DCC: variants seen among roughly 807,000 people sequenced by gnomAD.
DCC encodes the protein DCC netrin 1 receptor.
DCC carries 58 observed loss-of-function variants against 172.5 expected under a neutral mutation model. The ratio of observed to expected loss-of-function variants is 0.34; its 90% CI spans 0.27 to 0.42. The LOEUF (loss-of-function observed/expected upper bound fraction) is 0.42, where lower values mean the gene tolerates loss of function less well. Among genes scored for constraint, DCC ranks in the 10% least tolerant of loss-of-function variants. The pLI is 1.00. For synonymous variants in DCC, 709 were observed against 644.5 expected, an observed-to-expected ratio of 1.10 and a Z score of -1.52; for missense variants, 1,740 against 1,791.0, an observed-to-expected ratio of 0.97 and a Z score of 0.51.
At chr18:52,404,127 T>C (rs1042861002) in intron 1 of DCC, among the ~76,000 whole-genome samples, 2 of 152,006 alleles carry the variant, frequency 1.3e-5, no homozygotes, top group African/African-American at 4.8e-5. Context: ...GGTACAATGA[T>C]ACATGGACTT....
Position 53,463,974 on chromosome 18 carries a change from G to A in DCC, c.3620-3920G>A, listed in dbSNP as rs558023862. Among the ~76,000 whole-genome samples the A allele has an allele frequency of 6.6e-5, 10 of 152,236 alleles. No homozygotes were observed. The South Asian group carries it at 2.1e-3, about 32-fold the overall frequency. On this transcript the variant is annotated intron_variant, in intron 24 of 28. Transcript: ENST00000442544. ...TTTTACTCATTCTTCCCTACTGCTG[G>A]TATGCAAACTGCTTAAACAAAACCT...
At chr18:53,200,388 G>A (rs1365368360) in intron 9 of DCC, among the ~76,000 whole-genome samples, 1 of 152,116 alleles carries the variant, frequency 6.6e-6, no homozygotes, top group Non-Finnish European at 1.5e-5. Flanking sequence ...AAGTGCCTTA[G>A]GCCTGTGATT....
At chr18:53,046,243 C>T (rs1313322844) in intron 5 of DCC, among the ~76,000 whole-genome samples, 6 of 151,856 alleles carry the variant, frequency 4.0e-5, no homozygotes, top group Non-Finnish European at 7.4e-5. Flanking sequence ...AGGTGTTGAA[C>T]TAATTACCCT....
chr18:53,165,031 A>T (rs892956414), intron 8 of DCC, among the ~76,000 whole-genome samples: 12 of 152,198 alleles, frequency 7.9e-5, no homozygotes, highest in Admixed American at 4.6e-4. Context: ...ACATTTTCTG[A>T]AAAAGCTCCA....
rs114601816 is a variant in DCC at position 53,364,039 on chromosome 18, G to A, written c.2360-22004G>A. Among the ~76,000 whole-genome samples, 683 of 152,250 alleles carry A rather than the reference G, an allele frequency of 4.5e-3. 4 individuals are homozygous for A. The highest frequency in any genetic ancestry group is 0.015 in the African/African-American group (639 of 41,550). On this transcript the variant is annotated intron_variant, in intron 15 of 28. Coordinates refer to ENST00000442544, the MANE Select transcript of DCC (RefSeq NM_005215.4). ...AGTTATTGGAGCATTAATGTGTTTG[G>A]AGTTTAATGCCATAAATCAGCAATT...
chr18:53,329,448 T>C (rs560047631), intron 14 of DCC, among the ~76,000 whole-genome samples: 1 of 152,108 alleles, frequency 6.6e-6, no homozygotes, highest in East Asian at 1.9e-4. Flanking sequence ...TTCAAAAACA[T>C]AGCTTTTCTT....
chr18:52,818,701 C>T (rs1354662708), intron 2 of DCC, among the ~76,000 whole-genome samples: 2 of 152,182 alleles, frequency 1.3e-5, no homozygotes, highest in Non-Finnish European at 2.9e-5. Context: ...ATTGGACTAT[C>T]TGTACATTCC....
At chr18:53,090,785 G>C (rs1028905059) in intron 7 of DCC, among the ~76,000 whole-genome samples, 5 of 139,156 alleles carry the variant, frequency 3.6e-5, no homozygotes, top group Admixed American at 7.7e-5. Flanking sequence ...GTTCAATTGA[G>C]TTACAAAGCT....
intron 21 of DCC, among the ~76,000 whole-genome samples, chr18:53,429,125 A>AATATATATATTT (rs1911429554): frequency 1.0e-5 from 1 of 96,784 alleles, no homozygotes; most frequent in Non-Finnish European, 2.1e-5. Flanking sequence ...TTTTATATAT[A>AATATATATATTT]TATAAATATA....
At chr18:53,171,826 C>A (rs1305445925) in intron 8 of DCC, among the ~76,000 whole-genome samples, 1 of 151,080 alleles carries the variant, frequency 6.6e-6, no homozygotes, top group Non-Finnish European at 1.5e-5. Context: ...AAATGAAATA[C>A]CATTCCACAT....
intron 5 of DCC, among the ~76,000 whole-genome samples, chr18:53,018,373 T>G (rs757636633): frequency 2.0e-5 from 3 of 152,220 alleles, no homozygotes; most frequent in Non-Finnish European, 4.4e-5. Flanking sequence ...GCTCCCAAAC[T>G]GGCTTTAAGG....
intron 1 of DCC, among the ~76,000 whole-genome samples, chr18:52,623,466 T>C (rs1411015954): frequency 6.6e-6 from 1 of 152,182 alleles, no homozygotes; most frequent in Non-Finnish European, 1.5e-5. Context: ...CCTTTTTTGT[T>C]TCTAAAGTGT....
At chr18:52,614,698 A>T (rs1265125307) in intron 1 of DCC, among the ~76,000 whole-genome samples, 1 of 152,210 alleles carries the variant, frequency 6.6e-6, no homozygotes, top group African/African-American at 2.4e-5. Flanking sequence ...TCAATAATAA[A>T]AACAAGACCA....
Position 53,099,800 on chromosome 18 carries a change from T to C in DCC, c.1261+33634T>C, listed in dbSNP as rs375390903. Among the ~76,000 whole-genome samples the C allele has an allele frequency of 1.1e-3, 169 of 152,178 alleles. 1 individual carries two copies. In the South Asian group the frequency reaches 0.015, roughly 13 times the overall value. ...TTACTATTACATGTTATTTATATTGTAATGAGAGTTGTTCTAAATAAGAGT... is the reference window on the plus strand; with the variant it reads ...TTACTATTACATGTTATTTATATTGCAATGAGAGTTGTTCTAAATAAGAGT... On this transcript the variant is annotated intron_variant, in intron 7 of 28. Coordinates refer to ENST00000442544, the MANE Select transcript of DCC (RefSeq NM_005215.4).
chr18:52,812,834 G>C (rs549909820), intron 2 of DCC, among the ~76,000 whole-genome samples: 1 of 152,310 alleles, frequency 6.6e-6, no homozygotes, highest in East Asian at 1.9e-4. Context: ...ACTGAACACT[G>C]TTGGGCTGAG....
At chr18:52,597,563 T>G (rs1269253015) in intron 1 of DCC, among the ~76,000 whole-genome samples, 2 of 152,182 alleles carry the variant, frequency 1.3e-5, no homozygotes, top group East Asian at 3.9e-4. Context: ...GGTCTAGAAT[T>G]TAAGGCGAAG....
At chr18:52,682,199 C>G (rs2035760016) in intron 1 of DCC, among the ~76,000 whole-genome samples, 1 of 152,036 alleles carries the variant, frequency 6.6e-6, no homozygotes, top group African/African-American at 2.4e-5. Flanking sequence ...ATGTAAAACA[C>G]TGAATGGTTT....
At chr18:53,501,599 A>G (rs1203398881) in intron 27 of DCC, among the ~76,000 whole-genome samples, 1 of 152,106 alleles carries the variant, frequency 6.6e-6, no homozygotes, top group Non-Finnish European at 1.5e-5. Context: ...AAGAGGACCA[A>G]TTTGGTAGCA....
intron 2 of DCC, among the ~76,000 whole-genome samples, chr18:52,832,848 A>G (rs1392908606): frequency 6.6e-6 from 1 of 152,164 alleles, no homozygotes; most frequent in Non-Finnish European, 1.5e-5. Context: ...TTCATTACTA[A>G]TGTAGTAAGC....
Sources: allele counts gnomAD v4.1 joint callset (sites outside exome capture counted in the v4.1 genomes callset), GRCh38; gene constraint gnomAD v4.1.1; transcripts MANE v1.5; gene names NCBI Gene and HGNC (gene_info 2026-07-23, HGNC 2026-07-21).